ARMH3: variants seen among roughly 807,000 people sequenced by gnomAD.
ARMH3 encodes armadillo like helical domain containing 3, also known as armadillo-like helical domain-containing protein 3.
A neutral mutation model predicts 99.1 loss-of-function variants in ARMH3; 60 were observed. The ratio of observed to expected loss-of-function variants is 0.61; its 90% CI spans 0.49 to 0.75. The LOEUF (loss-of-function observed/expected upper bound fraction) is 0.75. Ranked by LOEUF, ARMH3 falls within the 30% of genes least tolerant of loss-of-function variation. The pLI is 0.00. For missense variants in ARMH3, 679 were observed against 843.1 expected, an observed-to-expected ratio of 0.81 and a Z score of 2.41; for synonymous variants, 285 against 292.8, an observed-to-expected ratio of 0.97 and a Z score of 0.27.
intron 19 of ARMH3, 24 bp from the exon 20 acceptor site, chr10:101,975,324 G>A (rs759596471): frequency 1.2e-5 from 19 of 1,590,364 alleles, no homozygotes; most frequent in Non-Finnish European, 1.6e-5. Context: ...AGCAAAAAAT[G>A]AGGGTAAGCC....
At chr10:101,976,668 T>G (rs941808965) in intron 19 of ARMH3, among the ~76,000 whole-genome samples, 1 of 152,126 alleles carries the variant, frequency 6.6e-6, no homozygotes, top group Admixed American at 6.5e-5. Flanking sequence ...TGAATGTGGT[T>G]TTTATTTAAA....
At chr10:101,942,955 A>G (rs557173531) in intron 22 of ARMH3, among the ~76,000 whole-genome samples, 17 of 152,270 alleles carry the variant, frequency 1.1e-4, no homozygotes, top group African/African-American at 4.1e-4. Flanking sequence ...TGGACAAAAC[A>G]TATGAAACAA....
intron 1 of ARMH3, among the ~76,000 whole-genome samples, chr10:102,040,948 T>A (rs893433136): frequency 8.6e-5 from 13 of 151,862 alleles, no homozygotes; most frequent in Admixed American, 7.2e-4. Context: ...CACACTGCAC[T>A]TGACTGTCTT....
intron 23 of ARMH3, among the ~76,000 whole-genome samples, chr10:101,913,521 T>C (rs928477585): frequency 5.3e-5 from 8 of 151,724 alleles, no homozygotes; most frequent in Non-Finnish European, 1.2e-4. Flanking sequence ...GCACGTCACA[T>C]ACCCAGCTAC....
intron 20 of ARMH3, among the ~76,000 whole-genome samples, chr10:101,965,787 G>A (rs1845503937): frequency 6.6e-6 from 1 of 152,142 alleles, no homozygotes; most frequent in Non-Finnish European, 1.5e-5. Flanking sequence ...CTTATTTTCT[G>A]GGCTGTTTTT....
intron 16 of ARMH3, 151 bp from the exon 17 acceptor site, chr10:101,993,754 C>T: frequency 4.0e-6 from 2 of 494,512 alleles, no homozygotes; most frequent in Non-Finnish European, 7.1e-6. Flanking sequence ...TTATGTCAAA[C>T]CCTACTTAAG....
intron 23 of ARMH3, among the ~76,000 whole-genome samples, chr10:101,923,374 G>GTCAT (rs1843377091): frequency 6.6e-6 from 1 of 152,196 alleles, no homozygotes; most frequent in Admixed American, 6.5e-5. Flanking sequence ...ATCTTACCAT[G>GTCAT]TCATTAATTG....
intron 20 of ARMH3, among the ~76,000 whole-genome samples, chr10:101,963,235 C>T (rs543647697): frequency 1.3e-5 from 2 of 152,030 alleles, no homozygotes; most frequent in Admixed American, 6.6e-5. Context: ...CTCCACCTCC[C>T]GGGTTCAAGC....
At chr10:101,963,223 A>T (rs1845381604) in intron 20 of ARMH3, among the ~76,000 whole-genome samples, 1 of 150,648 alleles carries the variant, frequency 6.6e-6, no homozygotes, top group Admixed American at 6.6e-5. Flanking sequence ...GCTCACTGCA[A>T]CCTCCACCTC....
chr10:101,985,140 CATAT>C (rs1370719992), intron 19 of ARMH3, among the ~76,000 whole-genome samples: 3 of 148,048 alleles, frequency 2.0e-5, no homozygotes, highest in South Asian at 2.1e-4. Context: ...CACATGTGTA[CATAT>C]ATAAATATAA....
At chr10:101,965,678 T>C (rs1845500236) in intron 20 of ARMH3, among the ~76,000 whole-genome samples, 1 of 152,238 alleles carries the variant, frequency 6.6e-6, no homozygotes, top group South Asian at 2.1e-4. Flanking sequence ...TTTGAGGTAT[T>C]ATATTACACA....
intron 8 of ARMH3, among the ~76,000 whole-genome samples, chr10:102,017,961 A>G (rs1053239060): frequency 1.3e-5 from 2 of 152,188 alleles, no homozygotes; most frequent in African/African-American, 4.8e-5. Flanking sequence ...AAGCCCAACT[A>G]GGACTCATAT....
chr10:101,980,633 G>C (rs986791557), intron 19 of ARMH3, among the ~76,000 whole-genome samples: 2 of 151,966 alleles, frequency 1.3e-5, no homozygotes, highest in African/African-American at 2.4e-5. Flanking sequence ...TATAACCCGA[G>C]ACAAAGAATA....
chr10:101,986,852 G>C (rs1349029515), intron 19 of ARMH3, among the ~76,000 whole-genome samples: 2 of 152,184 alleles, frequency 1.3e-5, no homozygotes, highest in African/African-American at 4.8e-5. Flanking sequence ...AATTCAGCCT[G>C]AGGGTGGGAC....
chr10:101,877,656 T>TAA (rs11377218), intron 24 of ARMH3, among the ~76,000 whole-genome samples: 41 of 148,238 alleles, frequency 2.8e-4, no homozygotes, highest in South Asian at 4.3e-4. Context: ...ACTTTGTCTT[T>TAA]AAAAAAAAAA....
At chr10:102,043,947 C>T (rs1467032452) in intron 1 of ARMH3, among the ~76,000 whole-genome samples, 1 of 152,078 alleles carries the variant, frequency 6.6e-6, no homozygotes, top group Non-Finnish European at 1.5e-5. Context: ...GACAGAGTCT[C>T]ACTCTGTCAC....
At chr10:101,942,979 T>C (rs569767692) in intron 22 of ARMH3, among the ~76,000 whole-genome samples, 33 of 151,868 alleles carry the variant, frequency 2.2e-4, no homozygotes, top group East Asian at 1.4e-3. Context: ...TTGTCAGACA[T>C]TGGAAAACAA....
At chr10:101,936,821 A>T (rs141255679) in intron 23 of ARMH3, among the ~76,000 whole-genome samples, 42 of 152,356 alleles carry the variant, frequency 2.8e-4, no homozygotes, top group Middle Eastern at 6.8e-3. Flanking sequence ...AAGATTATTC[A>T]CCCTAAAAAT....
At chr10:101,931,628 T>A (rs1186040519) in intron 23 of ARMH3, among the ~76,000 whole-genome samples, 1 of 151,230 alleles carries the variant, frequency 6.6e-6, no homozygotes, top group Non-Finnish European at 1.5e-5. Flanking sequence ...TCAAAATGGA[T>A]CAAAGGAAGC....
Sources: allele counts gnomAD v4.1 joint callset (sites outside exome capture counted in the v4.1 genomes callset), GRCh38; gene constraint gnomAD v4.1.1; transcripts MANE v1.5; gene names NCBI Gene and HGNC (gene_info 2026-07-23, HGNC 2026-07-21).